Variants in COLQ observed in about 807,000 individuals in gnomAD.
COLQ encodes the protein acetylcholinesterase collagenic tail peptide.
COLQ carries 48 observed loss-of-function variants against 69.0 expected under a neutral mutation model. That is an observed-to-expected ratio of 0.70 (90% CI 0.55 to 0.88). The LOEUF (loss-of-function observed/expected upper bound fraction) is 0.88, where lower values mean the gene tolerates loss of function less well. Ranked by LOEUF, COLQ falls within the 40% of genes least tolerant of loss-of-function variation. The pLI is 0.00. For synonymous variants in COLQ, 217 were observed against 211.2 expected (o/e 1.03, Z -0.24); for missense variants, 618 against 594.6 (o/e 1.04, Z -0.41).
chr3:15,451,685 ACTG>A lies in COLQ; in HGVS notation c.1324_1326del (p.Gln442del), dbSNP rs2125077483. ...CAGGGCGTGGAGTCGATGTAGCAGT[ACTG>A]GGTGCATTGCAGGTCTCCATATGAC... On this transcript the variant is annotated inframe_deletion, in exon 17 of 17. Transcript: ENST00000383788. 1 of 1,614,186 alleles carries A rather than the reference ACTG, an allele frequency of 6.2e-7. No homozygotes were observed. The highest frequency in any genetic ancestry group is 8.5e-7 in the Non-Finnish European group (1 of 1,180,028).
At chr3:15,475,276 T>A (rs938364866) in intron 7 of COLQ, 149 bp downstream of exon 7, 34 of 805,944 alleles carry the variant, frequency 4.2e-5, no homozygotes, top group Admixed American at 1.3e-4. Context: ...CATGATGTTC[T>A]CCAAAGGGCT....
intron 12 of COLQ, among the ~76,000 whole-genome samples, chr3:15,461,174 G>T (rs7609897): frequency 0.22 from 33,004 of 149,578 alleles, 3,878 homozygotes; most frequent in Middle Eastern, 0.33. Context: ...CATCCTAAAG[G>T]CATTTTGCCT....
At chr3:15,488,516 C>G (rs922780902) in intron 2 of COLQ, among the ~76,000 whole-genome samples, 9 of 152,098 alleles carry the variant, frequency 5.9e-5, no homozygotes, top group African/African-American at 2.2e-4. Context: ...GTATGGATTA[C>G]AGACACCTCG....
chr3:15,477,197 C>A lies in COLQ; in HGVS notation c.394G>T (p.Gly132Cys). Residue 132 changes from glycine to cysteine, a missense_variant and splice_region_variant, in exon 6 of 17, where the codon GGT (glycine) becomes TGT (cysteine). Gly to Cys is a radical substitution (Grantham distance 159). Coordinates refer to ENST00000383788, the MANE Select transcript of COLQ (RefSeq NM_005677.4). ...GGAACACCTGGGGGGCCAGGTCTAC[C>A]CTTCAAAGACCAAGAACAAAAGTCA... ...KGELGRPGRK[G>C]RPGPPGVPGM... is the part of the protein sequence containing the mutation. The A allele has an allele frequency of 6.2e-7, 1 of 1,604,542 alleles. No homozygotes were observed. Among genetic ancestry groups the A allele is most frequent in the South Asian group, 1.1e-5 (1 of 88,938 alleles).
rs981885592 is a variant in COLQ at position 15,509,262 on chromosome 3, C to A, written c.106+12258G>T. ...GGTGACTTGATGGCCATTGTCACCT[C>A]AAAGGAAGCATGCAAGACAGATGCC... On this transcript the variant is annotated intron_variant, in intron 1 of 16. Transcript: ENST00000383788. Among the ~76,000 whole-genome samples, 5 of 152,116 alleles carry A rather than the reference C, an allele frequency of 3.3e-5. No individual in the cohort carries two copies. In the East Asian group the frequency reaches 9.6e-4, roughly 29 times the overall value.
Position 15,488,312 on chromosome 3 carries a change from A to G in COLQ, c.220-5T>C. ...CTTCATGTCTGGGGAGAGAAGCTTC[A>G]GTACAAAGCAACACAGAGTTAGAGG... On this transcript the variant is annotated splice_region_variant and splice_polypyrimidine_tract_variant and intron_variant, in intron 2 of 16. Transcript: ENST00000383788. The G allele has an allele frequency of 6.2e-7, 1 of 1,612,420 alleles. No individual in the cohort carries two copies. Among genetic ancestry groups the G allele is most frequent in the Non-Finnish European group, 8.5e-7 (1 of 1,179,400 alleles).
At chr3:15,459,002 C>G (rs1466129755) in intron 12 of COLQ, among the ~76,000 whole-genome samples, 1 of 151,970 alleles carries the variant, frequency 6.6e-6, no homozygotes, top group East Asian at 1.9e-4. Context: ...TGCCACCACA[C>G]CAGGCTAATT....
chr3:15,503,044 G>T (rs1275338690), intron 1 of COLQ, among the ~76,000 whole-genome samples: 3 of 152,196 alleles, frequency 2.0e-5, no homozygotes, highest in African/African-American at 7.2e-5. Flanking sequence ...AAGGCACCTT[G>T]CACACAGCCC....
intron 16 of COLQ, among the ~76,000 whole-genome samples, chr3:15,452,239 G>A (rs761349789): frequency 3.3e-5 from 5 of 152,016 alleles, no homozygotes; most frequent in Admixed American, 2.6e-4. Flanking sequence ...GCTAATTTTT[G>A]TATTTTTAGT....
At chr3:15,479,603 G>A (rs1223836402) in intron 3 of COLQ, among the ~76,000 whole-genome samples, 3 of 152,082 alleles carry the variant, frequency 2.0e-5, no homozygotes, top group East Asian at 3.9e-4. Flanking sequence ...GTGGCTCCAT[G>A]GTTGCAATGC....
At position 15,489,570 on chromosome 3, in the gene COLQ, TGGA is replaced by T. The variant is rs753308023; in HGVS notation, c.171_173del (p.Pro60del). ...AGAATGGTGGTGGGAACAGTGGTGG[TGGA>T]GGAGGCGTCAGCAGGCAGCATGCTT... On this transcript the variant is annotated inframe_deletion, in exon 2 of 17. Coordinates refer to ENST00000383788, the MANE Select transcript of COLQ (RefSeq NM_005677.4). 8.7e-6 allele frequency: 14 copies of T among 1,614,008 alleles called. No individual in the cohort carries two copies. The highest frequency in any genetic ancestry group is 1.2e-5 in the Non-Finnish European group (14 of 1,180,040).
intron 3 of COLQ, 139 bp from the exon 4 acceptor site, chr3:15,479,521 C>A (rs906338708): frequency 1.2e-5 from 10 of 837,474 alleles, no homozygotes; most frequent in Non-Finnish European, 1.8e-5. Flanking sequence ...CCCATGGAGG[C>A]TTTTCCTTTG....
At chr3:15,475,343 A>T (rs2062361258) in intron 7 of COLQ, 82 bp downstream of exon 7, 1 of 1,326,910 alleles carries the variant, frequency 7.5e-7, no homozygotes. Flanking sequence ...CTGCAGCCCC[A>T]CCCAGTCCCT....
intron 1 of COLQ, chr3:15,498,555 C>T: frequency 6.4e-7 from 1 of 1,552,020 alleles, no homozygotes; most frequent in East Asian, 2.4e-5. Flanking sequence ...AAATGATGAG[C>T]AGATGAGCGA....
chr3:15,486,013 C>A (rs938628321), intron 3 of COLQ, among the ~76,000 whole-genome samples: 44 of 152,148 alleles, frequency 2.9e-4, no homozygotes, highest in Admixed American at 2.9e-3. Flanking sequence ...GGAGGAGGAA[C>A]AAGCATCAGT....
chr3:15,458,166 C>T lies in COLQ; in HGVS notation c.954+20G>A. ...GGTCCTCACGGATAACCACCCCAGA[C>T]TTCTCCCAGAAAGCCTTACCACAGG... On this transcript the variant is annotated intron_variant, in intron 13 of 16. Transcript: ENST00000383788. The T allele has an allele frequency of 6.2e-7, 1 of 1,612,782 alleles. No homozygotes were observed. Among genetic ancestry groups the T allele is most frequent in the Non-Finnish European group, 8.5e-7 (1 of 1,179,980 alleles).
At chr3:15,460,461 C>A (rs779120663) in intron 12 of COLQ, among the ~76,000 whole-genome samples, 5 of 152,156 alleles carry the variant, frequency 3.3e-5, no homozygotes, top group Non-Finnish European at 7.3e-5. Flanking sequence ...TGGAGGCCAG[C>A]CAGTCATTGG....
At position 15,472,307 on chromosome 3, in the gene COLQ, T is replaced by A. The variant is rs552627188; in HGVS notation, c.637-1691A>T. 4.6e-5 allele frequency among the ~76,000 whole-genome samples: 7 copies of A among 152,368 alleles called. No individual in the cohort carries two copies. The South Asian group carries it at 1.0e-3, about 23-fold the overall frequency. On this transcript the variant is annotated intron_variant, in intron 10 of 16. Coordinates refer to ENST00000383788, the MANE Select transcript of COLQ (RefSeq NM_005677.4). Reference sequence around the variant, plus strand: ...TAACACTTCCTTTAATTTGCTTATATAATTAATCTATTCTTTTAACCCAAC... The same window carrying A: ...TAACACTTCCTTTAATTTGCTTATAAAATTAATCTATTCTTTTAACCCAAC...
intron 1 of COLQ, among the ~76,000 whole-genome samples, chr3:15,491,928 T>C (rs1439630876): frequency 6.6e-6 from 1 of 151,866 alleles, no homozygotes; most frequent in Non-Finnish European, 1.5e-5. Flanking sequence ...CACGGTGGCA[T>C]GCACCTGTAG....
Sources: allele counts gnomAD v4.1 joint callset (sites outside exome capture counted in the v4.1 genomes callset), GRCh38; gene constraint gnomAD v4.1.1; transcripts MANE v1.5; gene names NCBI Gene and HGNC (gene_info 2026-07-23, HGNC 2026-07-21).